AARSD1: variants seen among roughly 807,000 people sequenced by gnomAD.
The protein encoded by AARSD1 is alanyl-tRNA editing protein Aarsd1.
Under a neutral mutation model 48.7 loss-of-function variants are expected in AARSD1, and 44 were observed. The ratio of observed to expected loss-of-function variants is 0.90; its 90% CI spans 0.71 to 1.16. AARSD1 has a LOEUF of 1.16. Among genes scored for constraint, AARSD1 ranks in the 50% most tolerant of loss-of-function variants. The pLI is 0.00. For missense variants in AARSD1, 511 were observed against 523.1 expected, an observed-to-expected ratio of 0.98 and a Z score of 0.23; for synonymous variants, 189 against 194.9, an observed-to-expected ratio of 0.97 and a Z score of 0.25.
chr17:42,958,900 T>C (rs963130626), intron 3 of AARSD1, among the ~76,000 whole-genome samples: 8 of 150,740 alleles, frequency 5.3e-5, no homozygotes, highest in Non-Finnish European at 8.9e-5. Context: ...ATTTCCACTT[T>C]AACTTATATT....
intron 9 of AARSD1, among the ~76,000 whole-genome samples, chr17:42,954,365 C>G (rs1039856428): frequency 6.6e-6 from 1 of 151,982 alleles, no homozygotes; most frequent in Non-Finnish European, 1.5e-5. Flanking sequence ...ACACAAAAAA[C>G]AAAAGATACA....
At position 42,961,163 on chromosome 17, in the gene AARSD1, G is replaced by A. The variant is rs747629845; in HGVS notation, c.331+29C>T. 100 of 1,590,912 alleles carry A rather than the reference G, an allele frequency of 6.3e-5. 3 individuals carry two copies. Among genetic ancestry groups the A allele is most frequent in the East Asian group, 4.5e-4 (20 of 44,364 alleles). Reference sequence around the variant, plus strand: ...CATCCCCATACATGGCAACTGCTCCGGTGTTATGTCCCCCATCCCAGCCTT... The same window carrying A: ...CATCCCCATACATGGCAACTGCTCCAGTGTTATGTCCCCCATCCCAGCCTT... On this transcript the variant is annotated intron_variant, in intron 3 of 11. Coordinates refer to ENST00000427569, the MANE Select transcript of AARSD1 (RefSeq NM_001261434.2).
intron 3 of AARSD1, among the ~76,000 whole-genome samples, chr17:42,958,613 C>T (rs62076368): frequency 6.7e-6 from 1 of 150,304 alleles, no homozygotes; most frequent in South Asian, 2.1e-4. Context: ...CTCTGTCACC[C>T]AGGCTGGAGT....
intron 11 of AARSD1, 102 bp from the exon 12 acceptor site, chr17:42,950,830 A>T (rs1050625853): frequency 6.1e-6 from 9 of 1,482,080 alleles, no homozygotes; most frequent in Admixed American, 2.4e-5. Context: ...GAGGGATAAG[A>T]AGAGTAGATG....
chr17:42,961,105 T>C, intron 3 of AARSD1, 87 bp downstream of exon 3: 2 of 1,454,278 alleles, frequency 1.4e-6, no homozygotes, highest in Admixed American at 2.8e-5. Flanking sequence ...GGTTAACTCC[T>C]AGAGAACCCA....
At chr17:42,954,527 C>T (rs531427030) in intron 9 of AARSD1, among the ~76,000 whole-genome samples, 2 of 152,076 alleles carry the variant, frequency 1.3e-5, no homozygotes, top group Admixed American at 6.6e-5. Flanking sequence ...CTCTGCCTCC[C>T]GGGTTCAAGT....
intron 2 of AARSD1, among the ~76,000 whole-genome samples, chr17:42,962,006 TAA>T (rs1216396359): frequency 1.4e-5 from 2 of 141,312 alleles, no homozygotes; most frequent in African/African-American, 2.6e-5. Context: ...CTGTCTCATT[TAA>T]AAAAAAAAAA....
chr17:42,962,233 G>C (rs1303742290), intron 2 of AARSD1: 1 of 303,424 alleles, frequency 3.3e-6, no homozygotes, highest in Admixed American at 3.6e-5. Context: ...CTGGCAGACG[G>C]AGATTGCAGT....
At chr17:42,954,442 T>A (rs1016703942) in intron 9 of AARSD1, among the ~76,000 whole-genome samples, 7 of 151,924 alleles carry the variant, frequency 4.6e-5, no homozygotes, top group South Asian at 2.1e-4. Flanking sequence ...CTTTTTTTTT[T>A]TATATTTTTG....
At chr17:42,955,364 G>A in intron 7 of AARSD1, 140 bp from the exon 8 acceptor site, 1 of 954,176 alleles carries the variant, frequency 1.0e-6, no homozygotes, top group Non-Finnish European at 1.5e-6. Flanking sequence ...GGTCTCTTAG[G>A]CAACTGGGAG....
intron 2 of AARSD1, among the ~76,000 whole-genome samples, chr17:42,962,608 G>A (rs2151943713): frequency 6.6e-6 from 1 of 152,306 alleles, no homozygotes; most frequent in Middle Eastern, 3.4e-3. Context: ...TGAGGTCACA[G>A]GTTTTCCTTC....
chr17:42,950,655 G>T lies in AARSD1; in HGVS notation c.1177C>A (p.Arg393=). The change falls in exon 12 of 12, where the codon CGG becomes AGG. Residue 393 remains arginine, a synonymous_variant. Coordinates refer to ENST00000427569, the MANE Select transcript of AARSD1 (RefSeq NM_001261434.2). ...RFQGKATKMS[R]RMEAQALLQD... is the part of the protein sequence containing the mutation. ...AGAAGCGCCTGCGCCTCCATCCGCC[G>T]GCTCATCTTGGTGGCCTTGCCCTGA... 6.2e-7 allele frequency: 1 copy of T among 1,613,960 alleles called. No homozygotes were observed. Among genetic ancestry groups the T allele is most frequent in the Non-Finnish European group, 8.5e-7 (1 of 1,179,986 alleles).
chr17:42,957,186 A>G lies in AARSD1; in HGVS notation c.341T>C (p.Leu114Pro), dbSNP rs1217533557. ...TAGATGGTCAGCAACTGCCGTGATG[A>G]GATGCTGCCCTAAGCAAAGAGAGCC... ...DHMQQHSGQH[L>P]ITAVADHLFK... The change falls in exon 4 of 12, where the codon CTC becomes CCC. Residue 114 changes from leucine to proline, a missense_variant. Physicochemically the swap from Leu to Pro is moderately conservative, Grantham distance 98. Coordinates refer to ENST00000427569, the MANE Select transcript of AARSD1 (RefSeq NM_001261434.2). 1.2e-6 allele frequency: 2 copies of G among 1,613,668 alleles called. No homozygotes were observed. The highest frequency in any genetic ancestry group is 2.7e-5 in the African/African-American group (2 of 74,882).
intron 11 of AARSD1, among the ~76,000 whole-genome samples, chr17:42,950,932 G>A (rs540157438): frequency 6.6e-6 from 1 of 152,156 alleles, no homozygotes; most frequent in Non-Finnish European, 1.5e-5. Context: ...GCCAAAGTGG[G>A]TGGATCACCT....
chr17:42,961,448 C>A lies in AARSD1; in HGVS notation c.172-97G>T, dbSNP rs567795525. Reference sequence around the variant, plus strand: ...TAGGGTGAGAGACCCAGAATCTGGGCTCCCTAAGGGAGAGGGAGAAAGCAA... The same window carrying A: ...TAGGGTGAGAGACCCAGAATCTGGGATCCCTAAGGGAGAGGGAGAAAGCAA... On this transcript the variant is annotated intron_variant, in intron 2 of 11. Coordinates refer to ENST00000427569, the MANE Select transcript of AARSD1 (RefSeq NM_001261434.2). 1.3e-4 allele frequency: 204 copies of A among 1,567,334 alleles called. 1 individual carries two copies. The South Asian group carries it at 2.3e-3, about 18-fold the overall frequency.
chr17:42,963,236 A>G (rs1250509652), intron 2 of AARSD1, among the ~76,000 whole-genome samples: 3 of 150,914 alleles, frequency 2.0e-5, no homozygotes, highest in Non-Finnish European at 4.4e-5. Context: ...GCCTGCCAGT[A>G]TGCCTGGTTA....
intron 2 of AARSD1, among the ~76,000 whole-genome samples, chr17:42,962,023 C>T (rs2151943497): frequency 6.6e-6 from 1 of 150,822 alleles, no homozygotes; most frequent in East Asian, 1.9e-4. Context: ...AAAAAAGGGC[C>T]AGGTACAGTG....
At chr17:42,954,165 C>T (rs950746031) in intron 9 of AARSD1, 9 of 195,648 alleles carry the variant, frequency 4.6e-5, no homozygotes, top group African/African-American at 2.1e-4. Flanking sequence ...ACCAGCCTGG[C>T]CAACATGGGG....
intron 9 of AARSD1, chr17:42,954,004 T>C: frequency 1.8e-6 from 1 of 570,504 alleles, no homozygotes; most frequent in Non-Finnish European, 3.1e-6. Context: ...TTAAATAGGA[T>C]TCACCAGGAT....
Sources: gnomAD v4.1 joint callset for allele counts (sites outside exome capture counted in the v4.1 genomes callset) on GRCh38, gnomAD v4.1.1 for gene constraint, MANE v1.5 for transcripts, NCBI Gene and HGNC (gene_info 2026-07-23, HGNC 2026-07-21) for gene names.